The following GAS2 variants were observed in gnomAD, a reference collection of about 807,000 sequenced individuals.
GAS2 encodes growth arrest specific 2.
Under a neutral mutation model 37.5 loss-of-function variants are expected in GAS2, and 20 were observed. That is an observed-to-expected ratio of 0.53 (90% CI 0.37 to 0.77). GAS2 has a LOEUF of 0.77. Among genes scored for constraint, GAS2 ranks in the 30% least tolerant of loss-of-function variants. The pLI is 0.00. For missense variants in GAS2, 336 were observed against 373.4 expected, an observed-to-expected ratio of 0.90 and a Z score of 0.82; for synonymous variants, 144 against 132.2, an observed-to-expected ratio of 1.09 and a Z score of -0.61.
intron 7 of GAS2, among the ~76,000 whole-genome samples, chr11:22,789,619 A>G (rs529089591): frequency 7.9e-4 from 116 of 147,074 alleles, no homozygotes; most frequent in Non-Finnish European, 1.1e-3. Flanking sequence ...CCGCCACCAT[A>G]CCCGGCTAGT....
At chr11:22,797,259 C>T (rs1419074642) in intron 7 of GAS2, among the ~76,000 whole-genome samples, 4 of 152,086 alleles carry the variant, frequency 2.6e-5, no homozygotes, top group African/African-American at 9.7e-5. Context: ...CATCATATGT[C>T]ACTTGCTTGC....
chr11:22,661,288 C>T (rs1040014925), intron 1 of GAS2, among the ~76,000 whole-genome samples: 4 of 152,120 alleles, frequency 2.6e-5, no homozygotes, highest in African/African-American at 9.7e-5. Flanking sequence ...CCAATGGCAC[C>T]CACTTTTTCC....
intron 4 of GAS2, among the ~76,000 whole-genome samples, chr11:22,736,210 A>G (rs1852747753): frequency 6.6e-6 from 1 of 151,996 alleles, no homozygotes. Context: ...TTCTAGCCAC[A>G]GTCAACTTGT....
At chr11:22,732,768 T>TTTATCATCATCATCATCA (rs1188073162) in intron 4 of GAS2, among the ~76,000 whole-genome samples, 1 of 101,162 alleles carries the variant, frequency 9.9e-6, no homozygotes, top group African/African-American at 3.1e-5. Context: ...TTCCCCTCCA[T>TTTATCATCATCATCATCA]TTATCATCAT....
chr11:22,741,717 G>T (rs553946554), intron 5 of GAS2, among the ~76,000 whole-genome samples: 1 of 152,146 alleles, frequency 6.6e-6, no homozygotes, highest in African/African-American at 2.4e-5. Context: ...TAAAGCACTT[G>T]AACTAACTGC....
chr11:22,674,642 T>G, intron 1 of GAS2: 1 of 339,632 alleles, frequency 2.9e-6, no homozygotes. Context: ...TATTTGACCT[T>G]TGATTGCTGC....
intron 4 of GAS2, among the ~76,000 whole-genome samples, chr11:22,727,053 G>C (rs1852251006): frequency 6.6e-6 from 1 of 151,994 alleles, no homozygotes; most frequent in African/African-American, 2.4e-5. Flanking sequence ...TTGAATTTAG[G>C]CAAAGTCACT....
chr11:22,629,784 C>A (rs565175910), intron 1 of GAS2, among the ~76,000 whole-genome samples: 35 of 152,176 alleles, frequency 2.3e-4, no homozygotes, highest in African/African-American at 7.9e-4. Flanking sequence ...ATGAATATTT[C>A]ATTTGCTATG....
intron 7 of GAS2, among the ~76,000 whole-genome samples, chr11:22,765,776 CA>C (rs67856426): frequency 6.2e-4 from 88 of 140,940 alleles, no homozygotes; most frequent in Middle Eastern, 3.6e-3. Flanking sequence ...GAGACTCTGT[CA>C]AAAAAAAAAA....
At chr11:22,665,844 T>C (rs1848975562), upstream of GAS2, among the ~76,000 whole-genome samples, 1 of 152,222 alleles carries the variant, frequency 6.6e-6, no homozygotes, top group Non-Finnish European at 1.5e-5. Flanking sequence ...GGAGTGGGGC[T>C]AGGTAACTCA....
chr11:22,724,057 C>G (rs1463469753), intron 3 of GAS2, among the ~76,000 whole-genome samples: 1 of 151,850 alleles, frequency 6.6e-6, no homozygotes, highest in African/African-American at 2.4e-5. Flanking sequence ...TGAATTATTT[C>G]TAAATTTACA....
At chr11:22,669,117 A>C (rs1277508648) in intron 1 of GAS2, among the ~76,000 whole-genome samples, 2 of 152,230 alleles carry the variant, frequency 1.3e-5, no homozygotes, top group Middle Eastern at 3.2e-3. Flanking sequence ...TTTCCACAGA[A>C]TGTAGAACCC....
At chr11:22,773,949 A>G (rs575736859) in intron 7 of GAS2, among the ~76,000 whole-genome samples, 1 of 152,274 alleles carries the variant, frequency 6.6e-6, no homozygotes, top group Non-Finnish European at 1.5e-5. Context: ...CACTTCCTAG[A>G]CATTCCCAGT....
intron 3 of GAS2, among the ~76,000 whole-genome samples, chr11:22,707,971 A>G (rs1010884947): frequency 2.0e-5 from 3 of 152,120 alleles, no homozygotes; most frequent in Non-Finnish European, 2.9e-5. Flanking sequence ...AAGTTTCTAC[A>G]TTTGTTTAGA....
chr11:22,794,110 A>AT (rs3049473), intron 7 of GAS2, among the ~76,000 whole-genome samples: 93,092 of 149,486 alleles, frequency 0.62, 29,198 homozygotes, highest in East Asian at 0.81. Context: ...TAATAAAACA[A>AT]TTTTTTTTTT....
chr11:22,715,418 G>A (rs1267465556), intron 3 of GAS2, among the ~76,000 whole-genome samples: 1 of 115,424 alleles, frequency 8.7e-6, no homozygotes, highest in South Asian at 3.0e-4. Flanking sequence ...CTGAGATCAC[G>A]CCATTGCACT....
chr11:22,798,958 A>T lies in GAS2; in HGVS notation c.724-12840A>T, dbSNP rs180801913. On this transcript the variant is annotated intron_variant, in intron 7 of 7. Transcript: ENST00000454584. The stretch of plus-strand genomic sequence containing the variant: ...AATGACAGAGTCTGTTGTCCTATAA[A>T]TTAATTTAACACTTTTCCTCTGGAG... Among the ~76,000 whole-genome samples, 555 of 152,194 alleles carry T rather than the reference A, an allele frequency of 3.6e-3. 2 individuals are homozygous for T. Among genetic ancestry groups the T allele is most frequent in the Non-Finnish European group, 4.2e-3 (287 of 67,966 alleles).
intron 4 of GAS2, among the ~76,000 whole-genome samples, chr11:22,727,476 T>G (rs532392589): frequency 6.6e-5 from 10 of 152,184 alleles, no homozygotes; most frequent in East Asian, 5.8e-4. Context: ...GAAATCTTAC[T>G]AATTTTATGT....
At chr11:22,716,517 A>G (rs1210177857) in intron 3 of GAS2, among the ~76,000 whole-genome samples, 2 of 151,834 alleles carry the variant, frequency 1.3e-5, no homozygotes, top group African/African-American at 2.4e-5. Context: ...ACACACACCT[A>G]TAATCGCACC....
Sources: allele counts gnomAD v4.1 joint callset (sites outside exome capture counted in the v4.1 genomes callset), GRCh38; gene constraint gnomAD v4.1.1; transcripts MANE v1.5; gene names NCBI Gene and HGNC (gene_info 2026-07-23, HGNC 2026-07-21).